DSCAM: variants seen among roughly 807,000 people sequenced by gnomAD.
DSCAM encodes the protein cell adhesion molecule DSCAM.
In DSCAM, 47 loss-of-function variants were observed where a neutral mutation model predicts 217.7. The observed-to-expected ratio is 0.22, with a 90% CI of 0.17 to 0.28. The LOEUF (loss-of-function observed/expected upper bound fraction) is 0.28. DSCAM is among the 10% of genes least tolerant of loss of function. The pLI is 1.00. For missense variants in DSCAM, 2,080 were observed against 2,618.3 expected, an observed-to-expected ratio of 0.79 and a Z score of 4.49; for synonymous variants, 1,056 against 1,015.3, an observed-to-expected ratio of 1.04 and a Z score of -0.76.
chr21:40,780,411 GTGTGTGTGTGTGTATATATATA>G (rs2091529276), intron 1 of DSCAM, among the ~76,000 whole-genome samples: 2 of 88,548 alleles, frequency 2.3e-5, no homozygotes, highest in South Asian at 4.2e-4. Context: ...GTGTGTGTGT[GTGTGTGTGTGTGTATATATATA>G]TATATATATA....
chr21:40,312,913 G>C (rs2074154917), intron 8 of DSCAM, among the ~76,000 whole-genome samples: 1 of 152,142 alleles, frequency 6.6e-6, no homozygotes, highest in African/African-American at 2.4e-5. Flanking sequence ...AGGAGTTCAA[G>C]ACTAGCCTGG....
In DSCAM at chr21:40,716,227, C is replaced by T. The variant is rs145755047; in HGVS notation, c.44-7456G>A. Among the ~76,000 whole-genome samples the T allele has an allele frequency of 3.4e-4, 51 of 152,202 alleles. No homozygotes were observed. The East Asian group carries it at 7.5e-3, about 22-fold the overall frequency. On this transcript the variant is annotated intron_variant, in intron 1 of 32. Coordinates refer to ENST00000400454, the MANE Select transcript of DSCAM (RefSeq NM_001389.5). ...CATATGGCCACAGGCAAAAGAAAAC[C>T]CAAACTATATTCCAACAGCTTTTGT...
chr21:40,412,141 G>C (rs2075328937), intron 3 of DSCAM, among the ~76,000 whole-genome samples: 2 of 152,244 alleles, frequency 1.3e-5, no homozygotes, highest in African/African-American at 4.8e-5. Context: ...CCCCAGCCAT[G>C]TGGAACTGTA....
At chr21:40,640,161 G>A (rs1313406283) in intron 3 of DSCAM, among the ~76,000 whole-genome samples, 1 of 151,190 alleles carries the variant, frequency 6.6e-6, no homozygotes, top group African/African-American at 2.4e-5. Context: ...CAAGAGAAGT[G>A]GCAGAGAGGA....
At chr21:40,087,399 C>T (rs1484577395) in intron 21 of DSCAM, 112 bp from the exon 22 acceptor site, 3 of 754,628 alleles carry the variant, frequency 4.0e-6, no homozygotes, top group Non-Finnish European at 7.0e-6. Flanking sequence ...GAAGCCAATT[C>T]ACATTACAAC....
At chr21:40,648,593 C>G (rs570906745) in intron 3 of DSCAM, among the ~76,000 whole-genome samples, 1 of 152,062 alleles carries the variant, frequency 6.6e-6, no homozygotes, top group Non-Finnish European at 1.5e-5. Flanking sequence ...TGATCCCCAC[C>G]CTTCATCTAT....
At chr21:40,296,489 A>AAT (rs1435058166) in intron 9 of DSCAM, among the ~76,000 whole-genome samples, 1 of 152,184 alleles carries the variant, frequency 6.6e-6, no homozygotes, top group Non-Finnish European at 1.5e-5. Context: ...TGTTATCAAA[A>AAT]ATATACAGAA....
At chr21:40,541,925 A>G (rs1226871956) in intron 3 of DSCAM, among the ~76,000 whole-genome samples, 1 of 152,204 alleles carries the variant, frequency 6.6e-6, no homozygotes, top group African/African-American at 2.4e-5. Flanking sequence ...AAAAGGCATT[A>G]TTTTGGGATA....
At chr21:40,687,803 A>G (rs946028417) in intron 3 of DSCAM, among the ~76,000 whole-genome samples, 3 of 152,164 alleles carry the variant, frequency 2.0e-5, no homozygotes, top group Admixed American at 6.5e-5. Context: ...ACACCCCAAG[A>G]GGGACAGTGC....
chr21:40,217,103 C>T (rs564528114), intron 11 of DSCAM, among the ~76,000 whole-genome samples: 1 of 152,120 alleles, frequency 6.6e-6, no homozygotes, highest in South Asian at 2.1e-4. Context: ...AATGCCATGA[C>T]AAAGATTTTC....
At chr21:40,346,328 C>A (rs552459800) in intron 6 of DSCAM, among the ~76,000 whole-genome samples, 15 of 152,256 alleles carry the variant, frequency 9.9e-5, no homozygotes, top group South Asian at 8.3e-4. Context: ...ACGATTGAAT[C>A]AAAATAGGAA....
chr21:40,080,762 T>C (rs1323376794), intron 24 of DSCAM, among the ~76,000 whole-genome samples: 7 of 152,160 alleles, frequency 4.6e-5, no homozygotes, highest in Non-Finnish European at 8.8e-5. Flanking sequence ...GGAGTAGAGA[T>C]TTCTTCAACT....
chr21:40,413,895 A>G (rs530834255), intron 3 of DSCAM, among the ~76,000 whole-genome samples: 1 of 152,366 alleles, frequency 6.6e-6, no homozygotes, highest in Non-Finnish European at 1.5e-5. Context: ...ATGTGAACAT[A>G]CATAGGGGAA....
chr21:40,658,836 T>C (rs1284117494), intron 3 of DSCAM, among the ~76,000 whole-genome samples: 1 of 152,162 alleles, frequency 6.6e-6, no homozygotes, highest in African/African-American at 2.4e-5. Flanking sequence ...AATATTCAAA[T>C]TGCTGAATAA....
At chr21:40,486,029 C>T (rs1348836242) in intron 3 of DSCAM, among the ~76,000 whole-genome samples, 2 of 152,188 alleles carry the variant, frequency 1.3e-5, no homozygotes, top group Non-Finnish European at 2.9e-5. Flanking sequence ...GTACTATAAA[C>T]TGAGGGCAGC....
At position 40,291,285 on chromosome 21, in the gene DSCAM, A is replaced by G. The variant is rs569410135; in HGVS notation, c.2182+4770T>C. On this transcript the variant is annotated intron_variant, in intron 10 of 32. Coordinates refer to ENST00000400454, the MANE Select transcript of DSCAM (RefSeq NM_001389.5). ...CCTGTCCTTCACACAGTCTGCTTTC[A>G]AAACAGCATGCCAGTGTGATCCTTT... Among the ~76,000 whole-genome samples the G allele has an allele frequency of 3.3e-5, 5 of 152,366 alleles. No homozygotes were observed. In the East Asian group the frequency reaches 9.7e-4, roughly 29 times the overall value.
At chr21:40,376,571 ATCGATATC>A (rs2074959043) in intron 3 of DSCAM, among the ~76,000 whole-genome samples, 5 of 121,872 alleles carry the variant, frequency 4.1e-5, no homozygotes, top group Admixed American at 3.6e-4. Context: ...TATATCTTAT[ATCGATATC>A]TATATATCTT....
intron 3 of DSCAM, among the ~76,000 whole-genome samples, chr21:40,474,261 C>T (rs920480751): frequency 6.6e-6 from 1 of 151,950 alleles, no homozygotes; most frequent in African/African-American, 2.4e-5. Flanking sequence ...CCACTGCACT[C>T]TAGCCTGGGT....
chr21:40,801,153 A>G (rs1307558864), intron 1 of DSCAM, among the ~76,000 whole-genome samples: 2 of 151,976 alleles, frequency 1.3e-5, no homozygotes, highest in Non-Finnish European at 1.5e-5. Flanking sequence ...GGGTTTCACC[A>G]TGTTGGCCAG....
Sources: allele counts gnomAD v4.1 joint callset (sites outside exome capture counted in the v4.1 genomes callset), GRCh38; gene constraint gnomAD v4.1.1; transcripts MANE v1.5; gene names NCBI Gene and HGNC (gene_info 2026-07-23, HGNC 2026-07-21).